Variants in SRGAP2 observed in about 807,000 individuals in gnomAD.
SRGAP2 encodes SLIT-ROBO Rho GTPase activating protein 2.
SRGAP2 carries 15 observed loss-of-function variants against 57.2 expected under a neutral mutation model. That is an observed-to-expected ratio of 0.26 (90% CI 0.18 to 0.40). The LOEUF (loss-of-function observed/expected upper bound fraction) is 0.40. SRGAP2 is among the 10% of genes least tolerant of loss of function. SRGAP2 has a pLI of 1.00. For missense variants in SRGAP2, 520 were observed against 669.6 expected (o/e 0.78, Z 2.47); for synonymous variants, 249 against 248.0 (o/e 1.00, Z -0.04).
intron 10 of SRGAP2, among the ~76,000 whole-genome samples, chr1:206,409,888 C>A (rs1324228116): frequency 6.6e-6 from 1 of 151,200 alleles, no homozygotes; most frequent in Non-Finnish European, 1.5e-5. Context: ...CACCTGAGGT[C>A]GGGAGTTTGA....
At chr1:206,366,586 C>T (rs1265195521) in intron 4 of SRGAP2, among the ~76,000 whole-genome samples, 2 of 151,966 alleles carry the variant, frequency 1.3e-5, no homozygotes, top group African/African-American at 2.4e-5. Context: ...TTTCTTTTTG[C>T]GATAACTACA....
chr1:206,240,189 C>T (rs1668129076), intron 2 of SRGAP2, among the ~76,000 whole-genome samples: 2 of 151,534 alleles, frequency 1.3e-5, no homozygotes, highest in African/African-American at 2.4e-5. Flanking sequence ...CTGCTTGAAC[C>T]CGGGAGGCAG....
At chr1:206,435,689 G>C (rs1220537574) in intron 14 of SRGAP2, among the ~76,000 whole-genome samples, 2 of 152,160 alleles carry the variant, frequency 1.3e-5, no homozygotes, top group Non-Finnish European at 2.9e-5. Flanking sequence ...TCATGGCCCT[G>C]GTTCTTACTT....
chr1:206,206,229 A>G, intron 2 of SRGAP2, 192 bp downstream of exon 2: 1 of 534,842 alleles, frequency 1.9e-6, no homozygotes, highest in South Asian at 2.3e-5. Flanking sequence ...GACACTGGAA[A>G]GGAATTTTTG....
At chr1:206,237,571 T>G (rs1667985784) in intron 2 of SRGAP2, among the ~76,000 whole-genome samples, 1 of 152,202 alleles carries the variant, frequency 6.6e-6, no homozygotes, top group Admixed American at 6.5e-5. Context: ...GCAATTTTTT[T>G]TAGCAACTTG....
chr1:206,376,730 TC>T (rs1288653220), intron 4 of SRGAP2, among the ~76,000 whole-genome samples: 28 of 148,520 alleles, frequency 1.9e-4, no homozygotes, highest in Non-Finnish European at 3.9e-4. Flanking sequence ...CAATTCCTGC[TC>T]CAGAGCCTGC....
In SRGAP2 at chr1:206,455,022, C is replaced by T. The variant is rs1372427137; in HGVS notation, c.2505C>T (p.Asn835=). 1.3e-6 allele frequency: 1 copy of T among 780,780 alleles called. No homozygotes were observed. Among genetic ancestry groups the T allele is most frequent in the Non-Finnish European group, 2.4e-6 (1 of 418,002 alleles). The allele number at this position is 780,780 out of a possible 1,614,324, so 48.4% of individuals were successfully genotyped here. ...HVADIYLANI[N]KQRKRPESGS... The stretch of plus-strand genomic sequence containing the variant: ...CCGATATTTATCTTGCAAACATCAA[C>T]AAGTAAGCTCTGCTTTTCATTTTCT... Residue 835 remains asparagine (N), a splice_region_variant and synonymous_variant, in exon 21 of 23, where the codon AAC becomes AAT. Transcript: ENST00000573034.
chr1:206,444,688 G>T (rs781837527), intron 17 of SRGAP2, among the ~76,000 whole-genome samples: 7 of 152,160 alleles, frequency 4.6e-5, no homozygotes, highest in African/African-American at 7.2e-5. Context: ...ATTTGACTAG[G>T]AAGTAGACTT....
At position 206,221,391 on chromosome 1, in the gene SRGAP2, AT is replaced by A. The variant is rs541951668; in HGVS notation, c.67+15364del. Among the ~76,000 whole-genome samples the A allele has an allele frequency of 1.7e-3, 251 of 149,712 alleles. 4 individuals carry two copies. Among genetic ancestry groups the A allele is most frequent in the Admixed American group, 0.014 (216 of 14,986 alleles). On this transcript the variant is annotated intron_variant, in intron 2 of 22. Coordinates refer to ENST00000573034, the MANE Select transcript of SRGAP2 (RefSeq NM_015326.5). ...AAACTGGGTAATTTGCAAAGAAACC[AT>A]TTTTTTTTTCCGGTTCTGGAGGCTG...
At chr1:206,370,683 A>G (rs1654458979) in intron 4 of SRGAP2, among the ~76,000 whole-genome samples, 2 of 152,178 alleles carry the variant, frequency 1.3e-5, no homozygotes, top group African/African-American at 2.4e-5. Flanking sequence ...TGGTTGTACA[A>G]CCTTGCAAAT....
chr1:206,321,672 CT>C (rs1203831470), intron 3 of SRGAP2, among the ~76,000 whole-genome samples: 1 of 120,086 alleles, frequency 8.3e-6, no homozygotes, highest in African/African-American at 3.3e-5. Context: ...TCAGTGTGGA[CT>C]TGTGGATTAT....
intron 2 of SRGAP2, among the ~76,000 whole-genome samples, chr1:206,268,393 C>T (rs1571726240): frequency 6.7e-6 from 1 of 150,314 alleles, no homozygotes; most frequent in South Asian, 2.1e-4. Context: ...ATCCATGTCC[C>T]TACAAAGGAC....
intron 14 of SRGAP2, among the ~76,000 whole-genome samples, chr1:206,431,332 T>A (rs182485589): frequency 1.3e-5 from 2 of 152,336 alleles, no homozygotes; most frequent in African/African-American, 4.8e-5. Context: ...AGGAATAATA[T>A]ACTCTTCCTG....
chr1:206,457,817 G>A (rs1422895725), intron 21 of SRGAP2, among the ~76,000 whole-genome samples: 2 of 152,168 alleles, frequency 1.3e-5, no homozygotes, highest in Admixed American at 1.3e-4. Flanking sequence ...CAAGATCAGA[G>A]CTGTTCAGCA....
At chr1:206,393,791 A>G in intron 7 of SRGAP2, 118 bp downstream of exon 7, 1 of 506,524 alleles carries the variant, frequency 2.0e-6, no homozygotes, top group South Asian at 3.4e-5. Context: ...AATTAGGAAG[A>G]TAGCAGCCAT....
At chr1:206,339,610 G>A (rs1158097545) in intron 3 of SRGAP2, among the ~76,000 whole-genome samples, 2 of 151,600 alleles carry the variant, frequency 1.3e-5, no homozygotes, top group African/African-American at 4.9e-5. Context: ...TTGAATGGAT[G>A]TGTCACCGTT....
intron 2 of SRGAP2, among the ~76,000 whole-genome samples, chr1:206,283,614 C>A (rs1197519584): frequency 6.6e-6 from 1 of 150,676 alleles, no homozygotes; most frequent in African/African-American, 2.4e-5. Context: ...AGGCAGAGGC[C>A]GCAGTGAGCC....
At chr1:206,436,219 C>G (rs1012285866) in intron 14 of SRGAP2, among the ~76,000 whole-genome samples, 29 of 152,140 alleles carry the variant, frequency 1.9e-4, no homozygotes, top group African/African-American at 6.8e-4. Flanking sequence ...CATGTTCTCT[C>G]TTTTTCATGA....
intron 14 of SRGAP2, among the ~76,000 whole-genome samples, chr1:206,435,583 A>T (rs1661655441): frequency 6.6e-6 from 1 of 152,190 alleles, no homozygotes; most frequent in African/African-American, 2.4e-5. Flanking sequence ...CAGACTGACC[A>T]ATGTGGTTCC....
Sources: allele counts gnomAD v4.1 joint callset (sites outside exome capture counted in the v4.1 genomes callset), GRCh38; gene constraint gnomAD v4.1.1; transcripts MANE v1.5; gene names NCBI Gene and HGNC (gene_info 2026-07-23, HGNC 2026-07-21).